The following SPIDR variants were observed in gnomAD, a reference collection of about 807,000 sequenced individuals.
The protein encoded by SPIDR is scaffold protein involved in DNA repair, also known as DNA repair-scaffolding protein.
SPIDR carries 93 observed loss-of-function variants against 104.6 expected under a neutral mutation model. That is an observed-to-expected ratio of 0.89 (90% CI 0.75 to 1.06). The LOEUF (loss-of-function observed/expected upper bound fraction) is 1.06, where lower values mean the gene tolerates loss of function less well. SPIDR is among the 50% of genes least tolerant of loss of function. The probability of loss-of-function intolerance (pLI) is 0.00; values close to 1 mark genes in which losing one functional copy is unlikely to be tolerated. For missense variants in SPIDR, 1,154 were observed against 1,111.2 expected (o/e 1.04, Z -0.55); for synonymous variants, 431 against 416.9 (o/e 1.03, Z -0.41).
intron 14 of SPIDR, among the ~76,000 whole-genome samples, chr8:47,702,751 C>T (rs573266411): frequency 2.6e-5 from 4 of 152,302 alleles, no homozygotes; most frequent in South Asian, 4.1e-4. Flanking sequence ...CAATGTGCAC[C>T]GGGTGCATCT....
chr8:47,345,974 G>C (rs1362406990), intron 5 of SPIDR, among the ~76,000 whole-genome samples: 1 of 152,094 alleles, frequency 6.6e-6, no homozygotes. Context: ...TTGCCTGATT[G>C]CCGTGGCCAG....
intron 10 of SPIDR, among the ~76,000 whole-genome samples, chr8:47,665,324 A>C (rs2074758890): frequency 6.6e-6 from 1 of 152,178 alleles, no homozygotes; most frequent in Admixed American, 6.5e-5. Context: ...AATTACTTAC[A>C]CCATACTTTC....
intron 5 of SPIDR, among the ~76,000 whole-genome samples, chr8:47,378,512 CTT>C (rs1337599445): frequency 1.3e-5 from 2 of 152,220 alleles, no homozygotes; most frequent in African/African-American, 4.8e-5. Context: ...ATTTTACTCT[CTT>C]ATTCTTCTGG....
At chr8:47,280,251 TA>T (rs1408704760) in intron 2 of SPIDR, among the ~76,000 whole-genome samples, 10 of 151,774 alleles carry the variant, frequency 6.6e-5, no homozygotes, top group African/African-American at 9.7e-5. Flanking sequence ...TTTATTTATT[TA>T]TTTTTTTTGG....
Position 47,658,385 on chromosome 8 carries a change from T to C in SPIDR, c.1545-15416T>C, listed in dbSNP as rs2073342586. On this transcript the variant is annotated intron_variant, in intron 10 of 19. Transcript: ENST00000297423. ...GTGAGCCGAGATTGCGCCATTGCAC[T>C]CCAGCCTGGGCAACAAGAGAGAAAC... 3.4e-5 allele frequency among the ~76,000 whole-genome samples: 5 copies of C among 146,272 alleles called. No individual in the cohort carries two copies. In the South Asian group the frequency reaches 1.1e-3, roughly 32 times the overall value.
At chr8:47,552,931 C>T (rs1037851699) in intron 8 of SPIDR, among the ~76,000 whole-genome samples, 1 of 152,140 alleles carries the variant, frequency 6.6e-6, no homozygotes, top group Non-Finnish European at 1.5e-5. Flanking sequence ...GTGCTTCCTT[C>T]AGGAGCTCTT....
chr8:47,370,438 GA>G (rs1247841152), intron 5 of SPIDR, among the ~76,000 whole-genome samples: 2 of 138,910 alleles, frequency 1.4e-5, no homozygotes, highest in Non-Finnish European at 3.1e-5. Flanking sequence ...AAGAGGTCAA[GA>G]TTTTTTTTTT....
intron 5 of SPIDR, among the ~76,000 whole-genome samples, chr8:47,350,108 C>T (rs576456015): frequency 1.1e-3 from 168 of 152,278 alleles, no homozygotes; most frequent in African/African-American, 3.8e-3. Flanking sequence ...TTGGAATGAT[C>T]GGGTTTTTCT....
rs79810675 is a variant in SPIDR, at chr8:47,388,576, C to T, written c.526-7800C>T. On this transcript the variant is annotated intron_variant, in intron 5 of 19. Transcript: ENST00000297423. ...CTTAACTTCCACTTCCCAGACTCTA[C>T]GTCAGTTCAAAATCTGGAGGAAAAA... is the stretch of plus-strand genomic sequence containing the variant. 7.9e-3 allele frequency: 1,220 copies of T among 154,248 alleles called. 12 individuals carry two copies. The highest frequency in any genetic ancestry group is 0.028 in the African/African-American group (1,161 of 41,616). 9.6% of individuals were successfully genotyped at this position (154,248 alleles called of 1,614,324 possible).
intron 5 of SPIDR, chr8:47,331,013 G>A (rs2048570065): frequency 6.5e-6 from 2 of 308,312 alleles, no homozygotes; most frequent in Non-Finnish European, 1.3e-5. Context: ...TCAGCATTTG[G>A]TGGTGTCAGT....
intron 14 of SPIDR, among the ~76,000 whole-genome samples, chr8:47,703,889 G>A (rs771266955): frequency 6.6e-6 from 1 of 152,136 alleles, no homozygotes; most frequent in Non-Finnish European, 1.5e-5. Flanking sequence ...GAGAGGAGAC[G>A]GGGAGGGCCA....
intron 8 of SPIDR, among the ~76,000 whole-genome samples, chr8:47,563,562 T>G (rs553090669): frequency 2.0e-5 from 3 of 152,274 alleles, no homozygotes; most frequent in Non-Finnish European, 1.5e-5. Flanking sequence ...GTGCCTCAGG[T>G]TGTCATGTAC....
chr8:47,689,409 C>T (rs757042159), intron 11 of SPIDR, among the ~76,000 whole-genome samples: 5 of 152,168 alleles, frequency 3.3e-5, no homozygotes, highest in Non-Finnish European at 5.9e-5. Flanking sequence ...TACCGTTTAT[C>T]GCAGGCCAAT....
At chr8:47,516,590 T>C (rs556160941) in intron 8 of SPIDR, among the ~76,000 whole-genome samples, 17 of 152,368 alleles carry the variant, frequency 1.1e-4, no homozygotes, top group African/African-American at 3.6e-4. Context: ...ATCCACGTTA[T>C]GTGTCAGAAT....
chr8:47,354,029 A>G (rs1166534719), intron 5 of SPIDR, among the ~76,000 whole-genome samples: 1 of 152,062 alleles, frequency 6.6e-6, no homozygotes, highest in South Asian at 2.1e-4. Context: ...ATTCTTGTCT[A>G]TTTACTGATT....
intron 8 of SPIDR, among the ~76,000 whole-genome samples, chr8:47,574,107 A>C (rs1170962047): frequency 6.6e-6 from 1 of 152,190 alleles, no homozygotes; most frequent in East Asian, 1.9e-4. Flanking sequence ...GGTAATAATT[A>C]AAGTTGGGCT....
chr8:47,275,699 A>G (rs1013483398), intron 1 of SPIDR, among the ~76,000 whole-genome samples: 6 of 152,352 alleles, frequency 3.9e-5, no homozygotes, highest in Non-Finnish European at 7.3e-5. Context: ...AGGGTAGGAA[A>G]ACATTAAAAT....
chr8:47,733,996 G>A (rs1477090958), intron 19 of SPIDR, among the ~76,000 whole-genome samples: 1 of 152,140 alleles, frequency 6.6e-6, no homozygotes, highest in Non-Finnish European at 1.5e-5. Context: ...CCCACGAGTT[G>A]GCGTCAGTAG....
intron 12 of SPIDR, among the ~76,000 whole-genome samples, chr8:47,701,310 T>C (rs751097284): frequency 2.0e-4 from 31 of 152,180 alleles, no homozygotes; most frequent in Non-Finnish European, 4.1e-4. Flanking sequence ...CTCATGGCTG[T>C]AATGCCAGCT....
Sources: gnomAD v4.1 joint callset for allele counts (sites outside exome capture counted in the v4.1 genomes callset) on GRCh38, gnomAD v4.1.1 for gene constraint, MANE v1.5 for transcripts, NCBI Gene and HGNC (gene_info 2026-07-23, HGNC 2026-07-21) for gene names.